The following FREM1 variants were observed in gnomAD, a reference collection of about 807,000 sequenced individuals.
FREM1 encodes the protein FRAS1 related extracellular matrix 1.
A neutral mutation model predicts 210.1 loss-of-function variants in FREM1; 220 were observed. The observed-to-expected ratio is 1.05, with a 90% CI of 0.94 to 1.17. The LOEUF (loss-of-function observed/expected upper bound fraction) is 1.17, where lower values mean the gene tolerates loss of function less well. Ranked by LOEUF, FREM1 falls within the 50% of genes most tolerant of loss-of-function variation. The pLI, the probability that FREM1 is intolerant of heterozygous loss-of-function variation, is 0.00. For missense variants in FREM1, 3,454 were observed against 2,675.5 expected (o/e 1.29, Z -6.42); for synonymous variants, 1,189 against 980.2 (o/e 1.21, Z -3.98).
rs201497810 is a variant in FREM1 at position 14,823,333 on chromosome 9, A to G, written c.2170-6T>C. 20 of 1,611,686 alleles carry G rather than the reference A, an allele frequency of 1.2e-5. No individual in the cohort carries two copies. The highest frequency in any genetic ancestry group is 1.7e-5 in the Non-Finnish European group (20 of 1,178,484). ...TTCATATAGTTCACAGCATGCTGCA[A>G]AGTAAGTTGAGATGGATATGTGGGT... On this transcript the variant is annotated splice_polypyrimidine_tract_variant and splice_region_variant and intron_variant, in intron 12 of 36. Coordinates refer to ENST00000380880, the MANE Select transcript of FREM1 (RefSeq NM_001379081.2).
intron 10 of FREM1, among the ~76,000 whole-genome samples, chr9:14,830,590 T>TA (rs1222254748): frequency 1.3e-5 from 2 of 152,138 alleles, no homozygotes; most frequent in East Asian, 3.8e-4. Flanking sequence ...TAAAGCATGT[T>TA]AAAAAAATGT....
chr9:14,772,564 T>G (rs560420909), intron 25 of FREM1, among the ~76,000 whole-genome samples: 1 of 152,218 alleles, frequency 6.6e-6, no homozygotes, highest in African/African-American at 2.4e-5. Context: ...GTCAAGAATT[T>G]TTTTTCTTGT....
intron 25 of FREM1, among the ~76,000 whole-genome samples, chr9:14,774,517 CTCTCTCTCTCT>C (rs1563893190): frequency 1.4e-3 from 17 of 12,184 alleles, no homozygotes; most frequent in Non-Finnish European, 2.6e-3. Flanking sequence ...ATAAATCTCT[CTCTCTCTCTCT>C]CTCTCTCTCT....
chr9:14,752,405 T>A (rs902031608), intron 29 of FREM1, among the ~76,000 whole-genome samples: 1 of 151,134 alleles, frequency 6.6e-6, no homozygotes, highest in Non-Finnish European at 1.5e-5. Context: ...AGAGGTTACA[T>A]GGGTGGACAG....
chr9:14,862,646 C>T (rs1830788761), intron 3 of FREM1, among the ~76,000 whole-genome samples: 1 of 152,154 alleles, frequency 6.6e-6, no homozygotes. Flanking sequence ...ACATATTTCC[C>T]TTCCCCAGCC....
intron 25 of FREM1, among the ~76,000 whole-genome samples, chr9:14,772,728 G>A (rs1017412471): frequency 1.1e-4 from 16 of 152,154 alleles, no homozygotes; most frequent in Admixed American, 3.9e-4. Flanking sequence ...ATTGTGGCCC[G>A]TGAGGGAAGA....
intron 17 of FREM1, 146 bp downstream of exon 17, chr9:14,807,794 C>A: frequency 1.6e-6 from 1 of 634,264 alleles, no homozygotes; most frequent in South Asian, 3.0e-5. Context: ...GGGTTTTCCA[C>A]AAAATTTGTG....
chr9:14,875,817 T>G (rs1471354814), intron 1 of FREM1, among the ~76,000 whole-genome samples: 1 of 152,150 alleles, frequency 6.6e-6, no homozygotes, highest in Non-Finnish European at 1.5e-5. Context: ...TATCTACTTT[T>G]GGTCTTTGAT....
chr9:14,848,317 T>G (rs1167218104), intron 7 of FREM1, among the ~76,000 whole-genome samples: 7 of 152,224 alleles, frequency 4.6e-5, no homozygotes, highest in Non-Finnish European at 1.0e-4. Flanking sequence ...TAAACCTTTC[T>G]CCAATCCCTT....
intron 1 of FREM1, among the ~76,000 whole-genome samples, chr9:14,889,353 T>C (rs1208395123): frequency 2.0e-5 from 3 of 152,236 alleles, no homozygotes; most frequent in African/African-American, 7.2e-5. Flanking sequence ...TATCTGACAC[T>C]GTTTTAATTT....
At chr9:14,843,472 A>G (rs529465808) in intron 8 of FREM1, among the ~76,000 whole-genome samples, 1 of 151,304 alleles carries the variant, frequency 6.6e-6, no homozygotes, top group African/African-American at 2.4e-5. Context: ...GCCAATTCCC[A>G]GAATAAATCA....
rs751073927 is a variant in FREM1, at chr9:14,801,743, A to G, written c.3603T>C (p.Phe1201=). The G allele has an allele frequency of 6.2e-6, 10 of 1,613,858 alleles. No homozygotes were observed. Among genetic ancestry groups the G allele is most frequent in the Non-Finnish European group, 8.5e-6 (10 of 1,179,866 alleles). The part of the protein sequence containing the change: ...PRHGLLIDRG[F]SKDFSENKQP... ...GCTTATTCTCAGAGAAGTCTTTGCT[A>G]AACCCCCTATCGATGAGGAGGCCAT... Residue 1201 remains phenylalanine, a synonymous_variant, in exon 20 of 37, where the codon TTT becomes TTC. Transcript: ENST00000380880.
chr9:14,758,251 T>C (rs1844794806), intron 28 of FREM1, among the ~76,000 whole-genome samples: 1 of 152,156 alleles, frequency 6.6e-6, no homozygotes, highest in African/African-American at 2.4e-5. Flanking sequence ...AGCTGGCACG[T>C]TTGTTGTGCA....
chr9:14,826,447 A>G (rs1822477248), intron 10 of FREM1, among the ~76,000 whole-genome samples: 1 of 152,124 alleles, frequency 6.6e-6, no homozygotes, highest in East Asian at 1.9e-4. Flanking sequence ...ATTATACACA[A>G]TGGACTGACC....
At chr9:14,853,739 G>A (rs1048597706) in intron 5 of FREM1, among the ~76,000 whole-genome samples, 1 of 152,326 alleles carries the variant, frequency 6.6e-6, no homozygotes, top group South Asian at 2.1e-4. Context: ...CATGGTTGAT[G>A]AAGGCAGGTG....
Position 14,804,997 on chromosome 9 carries a change from TG to T in FREM1, c.3429del (p.Thr1144GlnfsTer9), listed in dbSNP as rs1408463371. 1 of 1,613,580 alleles carries T rather than the reference TG, an allele frequency of 6.2e-7. No homozygotes were observed. Among genetic ancestry groups the T allele is most frequent in the Non-Finnish European group, 8.5e-7 (1 of 1,179,512 alleles). On this transcript the variant is annotated frameshift_variant, in exon 19 of 37. Transcript: ENST00000380880. LOFTEE classifies it high-confidence loss of function. ...ACAAAGTCAGGAGCTTCATCATTTG[TG>T]GGGTTGATTATAATAGAAAATGGTA... Reference protein sequence around the residue: ...LEIPFSIIINPTNDEAPDFVV... With the variant: ...LEIPFSIIINXTNDEAPDFVV...
intron 21 of FREM1, among the ~76,000 whole-genome samples, chr9:14,794,043 G>C (rs138690395): frequency 1.3e-5 from 2 of 152,290 alleles, no homozygotes; most frequent in East Asian, 3.9e-4. Flanking sequence ...GAGTTTGGTA[G>C]GAAGAATTCA....
chr9:14,905,768 G>A (rs1285649539), intron 1 of FREM1, among the ~76,000 whole-genome samples: 1 of 152,180 alleles, frequency 6.6e-6, no homozygotes, highest in Non-Finnish European at 1.5e-5. Flanking sequence ...GTGCACGCCT[G>A]TAGTCCCAGC....
intron 6 of FREM1, among the ~76,000 whole-genome samples, chr9:14,849,308 G>A (rs114517892): frequency 0.012 from 1,881 of 152,254 alleles, 37 homozygotes; most frequent in African/African-American, 0.042. Context: ...GGCAATTGTC[G>A]TACTGCTACT....
Sources: allele counts gnomAD v4.1 joint callset (sites outside exome capture counted in the v4.1 genomes callset), GRCh38; gene constraint gnomAD v4.1.1; transcripts MANE v1.5; gene names NCBI Gene and HGNC (gene_info 2026-07-23, HGNC 2026-07-21).